The following PRPF6 variants were observed in gnomAD, a reference collection of about 807,000 sequenced individuals.
PRPF6 encodes pre-mRNA processing factor 6, also known as pre-mRNA-processing factor 6.
A neutral mutation model predicts 118.3 loss-of-function variants in PRPF6; 42 were observed. That is an observed-to-expected ratio of 0.35 (90% CI 0.28 to 0.46). The LOEUF is 0.46. Among genes scored for constraint, PRPF6 ranks in the 20% least tolerant of loss-of-function variants. The pLI is 1.00. For missense variants in PRPF6, 662 were observed against 1,255.7 expected (o/e 0.53, Z 7.15); for synonymous variants, 481 against 485.1 (o/e 0.99, Z 0.11).
intron 19 of PRPF6, among the ~76,000 whole-genome samples, chr20:64,031,064 A>G (rs990638534): frequency 6.6e-6 from 1 of 152,080 alleles, no homozygotes; most frequent in East Asian, 1.9e-4. Context: ...CATAGCATGG[A>G]CCTCTTCGGG....
chr20:64,004,518 G>C (rs1234974075), intron 9 of PRPF6, among the ~76,000 whole-genome samples: 1 of 152,246 alleles, frequency 6.6e-6, no homozygotes, highest in Admixed American at 6.5e-5. Flanking sequence ...CTGCCAGCCA[G>C]GGAGCCTGGC....
At chr20:64,019,911 G>T (rs1325247439) in intron 12 of PRPF6, among the ~76,000 whole-genome samples, 1 of 152,196 alleles carries the variant, frequency 6.6e-6, no homozygotes, top group Non-Finnish European at 1.5e-5. Flanking sequence ...TCCTTAACTG[G>T]GAGGCTCACT....
At chr20:63,986,665 T>G (rs975029680) in intron 3 of PRPF6, among the ~76,000 whole-genome samples, 1 of 151,386 alleles carries the variant, frequency 6.6e-6, no homozygotes, top group South Asian at 2.1e-4. Context: ...ATTTTTTGTA[T>G]TTTTAGTAGA....
intron 9 of PRPF6, among the ~76,000 whole-genome samples, chr20:64,002,178 C>T (rs1288248405): frequency 1.3e-5 from 2 of 151,012 alleles, no homozygotes; most frequent in Non-Finnish European, 2.9e-5. Flanking sequence ...GCCACCACGC[C>T]TGGCTAATTT....
At chr20:64,008,368 C>T (rs921884979) in intron 9 of PRPF6, among the ~76,000 whole-genome samples, 17 of 151,590 alleles carry the variant, frequency 1.1e-4, no homozygotes, top group Non-Finnish European at 2.2e-4. Context: ...TTTCCTGTAT[C>T]CTCTTGTAAA....
At chr20:63,982,079 G>T (rs1451723834) in intron 1 of PRPF6, among the ~76,000 whole-genome samples, 1 of 152,126 alleles carries the variant, frequency 6.6e-6, no homozygotes, top group African/African-American at 2.4e-5. Flanking sequence ...AATGTACAGC[G>T]AATAGAATAG....
At chr20:64,000,781 C>T (rs1046761405) in intron 8 of PRPF6, among the ~76,000 whole-genome samples, 1 of 152,078 alleles carries the variant, frequency 6.6e-6, no homozygotes, top group African/African-American at 2.4e-5. Flanking sequence ...GTTGGCCAGG[C>T]TGGTCTCAAA....
At chr20:64,030,918 C>T (rs886675515) in intron 19 of PRPF6, among the ~76,000 whole-genome samples, 9 of 152,212 alleles carry the variant, frequency 5.9e-5, no homozygotes, top group Non-Finnish European at 1.2e-4. Context: ...GCCTCTGGCT[C>T]CAGGGGGAGG....
At chr20:63,998,954 A>G in intron 6 of PRPF6, 91 bp from the exon 7 acceptor site, 2 of 816,660 alleles carry the variant, frequency 2.4e-6, no homozygotes, top group Non-Finnish European at 2.1e-6. Context: ...CTGCTCTCTC[A>G]GGGTTGTGGG....
intron 3 of PRPF6, among the ~76,000 whole-genome samples, chr20:63,987,265 G>A (rs1452844195): frequency 6.6e-6 from 1 of 151,182 alleles, no homozygotes; most frequent in East Asian, 1.9e-4. Flanking sequence ...ACAGCCCTTT[G>A]GGAGGCCCAG....
chr20:64,015,373 G>C (rs1387138075), intron 11 of PRPF6, among the ~76,000 whole-genome samples: 1 of 152,234 alleles, frequency 6.6e-6, no homozygotes, highest in Non-Finnish European at 1.5e-5. Flanking sequence ...CTTTGTGCCA[G>C]CGTCTCTGCC....
chr20:63,986,559 G>A (rs2059094441), intron 3 of PRPF6, among the ~76,000 whole-genome samples: 1 of 146,390 alleles, frequency 6.8e-6, no homozygotes, highest in African/African-American at 2.5e-5. Flanking sequence ...CGCAATCTCA[G>A]CTCACTGCAA....
intron 3 of PRPF6, among the ~76,000 whole-genome samples, chr20:63,987,682 A>G (rs1007129062): frequency 6.6e-5 from 10 of 152,238 alleles, no homozygotes; most frequent in African/African-American, 1.9e-4. Flanking sequence ...TTTGCAGATG[A>G]TATGATCTTA....
At position 63,999,591 on chromosome 20, in the gene PRPF6, T is replaced by C; in HGVS notation, c.867-12T>C. 4 of 1,613,910 alleles carry C rather than the reference T, an allele frequency of 2.5e-6. No homozygotes were observed. The highest frequency in any genetic ancestry group is 3.4e-6 in the Non-Finnish European group (4 of 1,180,038). On this transcript the variant is annotated splice_polypyrimidine_tract_variant and intron_variant, in intron 7 of 20. Transcript: ENST00000266079. ...GCATGGCCTGATGCCGTGTGCACTC[T>C]CCCTCTCATAGTGATATCAAGAAGG... is the stretch of plus-strand genomic sequence containing the variant.
At position 64,027,874 on chromosome 20, in the gene PRPF6, A is replaced by G; in HGVS notation, c.2339+138A>G. The G allele has an allele frequency of 2.4e-6, 3 of 1,273,606 alleles. No individual in the cohort carries two copies. In the South Asian group the frequency reaches 3.6e-5, roughly 15 times the overall value. The allele number at this position is 1,273,606 out of a possible 1,614,324, so 78.9% of individuals were successfully genotyped here. On this transcript the variant is annotated intron_variant, in intron 17 of 20. Coordinates refer to ENST00000266079, the MANE Select transcript of PRPF6 (RefSeq NM_012469.4). This position sits in a 1 kb window ranked among gnomAD's most constrained non-coding sequence, Gnocchi z 6.5. ...GCTTGGGGGGCGGTAGGTGCTGGCC[A>G]TGAAAAATCACGGTCCCTGCCTTAG...
chr20:63,997,061 C>T (rs545858212), intron 6 of PRPF6, among the ~76,000 whole-genome samples: 2 of 152,098 alleles, frequency 1.3e-5, no homozygotes, highest in South Asian at 2.1e-4. Flanking sequence ...ACAACCTCAT[C>T]ACCATTCATC....
intron 9 of PRPF6, among the ~76,000 whole-genome samples, chr20:64,006,849 G>A (rs185236911): frequency 1.9e-3 from 291 of 152,352 alleles, no homozygotes; most frequent in Non-Finnish European, 3.5e-3. Context: ...ATGGGCACAT[G>A]GTAAGACCAT....
At position 63,981,302 on chromosome 20, in the gene PRPF6, G is replaced by C. The variant is rs779283679; in HGVS notation, c.57G>C (p.Pro19=). ...LGMPAPLGYV[P]GLGRGATGFT... ...TGCCCGCGCCCCTCGGCTACGTGCC[G>C]GGGCTGGGCCGGGGGTGAGGCCTGG... is the stretch of plus-strand genomic sequence containing the variant. The change falls in exon 1 of 21, where the codon CCG becomes CCC. Residue 19 remains proline, a synonymous_variant. Coordinates refer to ENST00000266079, the MANE Select transcript of PRPF6 (RefSeq NM_012469.4). 18 of 1,604,598 alleles carry C rather than the reference G, an allele frequency of 1.1e-5. No individual in the cohort carries two copies. The South Asian group carries it at 2.0e-4, about 18-fold the overall frequency.
At chr20:64,023,000 C>A (rs1388917983) in intron 13 of PRPF6, 122 bp downstream of exon 13, 1 of 1,480,934 alleles carries the variant, frequency 6.8e-7, no homozygotes, top group East Asian at 2.4e-5. Flanking sequence ...AGGTCTGGCC[C>A]TCTGGTTGTG....
Sources: gnomAD v4.1 joint callset for allele counts (sites outside exome capture counted in the v4.1 genomes callset) on GRCh38, gnomAD v4.1.1 for gene constraint, Gnocchi (gnomAD v3.1) non-coding constraint, MANE v1.5 for transcripts, NCBI Gene and HGNC (gene_info 2026-07-23, HGNC 2026-07-21) for gene names.